TUB: variants seen among roughly 807,000 people sequenced by gnomAD.
TUB encodes the protein TUB bipartite transcription factor.
Under a neutral mutation model 59.7 loss-of-function variants are expected in TUB, and 33 were observed. The observed-to-expected ratio is 0.55, with a 90% confidence interval of 0.42 to 0.74. The LOEUF (loss-of-function observed/expected upper bound fraction) is 0.74, where lower values mean the gene tolerates loss of function less well. Among genes scored for constraint, TUB ranks in the 30% least tolerant of loss-of-function variants. The pLI, the probability that TUB is intolerant of heterozygous loss-of-function variation, is 0.00. For missense variants in TUB, 659 were observed against 672.0 expected, an observed-to-expected ratio of 0.98 and a Z score of 0.21; for synonymous variants, 293 against 256.4, an observed-to-expected ratio of 1.14 and a Z score of -1.36.
Position 8,039,040 on chromosome 11 carries a change from A to G in TUB, c.155+12A>G, listed in dbSNP as rs775523519. ...CACCGAAGAGATCGGTAAGCTTTCAACATCCTGCCTTTAGCCCATGGGCCC... is the reference window on the plus strand; with the variant it reads ...CACCGAAGAGATCGGTAAGCTTTCAGCATCCTGCCTTTAGCCCATGGGCCC... On this transcript the variant is annotated intron_variant, in intron 1 of 12. Transcript: ENST00000305253. The G allele has an allele frequency of 1.2e-6, 2 of 1,611,206 alleles. No homozygotes were observed. The highest frequency in any genetic ancestry group is 2.2e-5 in the East Asian group (1 of 44,872).
At chr11:8,045,969 G>C (rs1040758305) in intron 2 of TUB, among the ~76,000 whole-genome samples, 2 of 152,098 alleles carry the variant, frequency 1.3e-5, no homozygotes, top group African/African-American at 4.8e-5. Context: ...TCTCTCTGTG[G>C]TTCATTCCCC....
intron 2 of TUB, among the ~76,000 whole-genome samples, chr11:8,066,612 G>GCT (rs1257290759): frequency 6.6e-6 from 1 of 152,160 alleles, no homozygotes; most frequent in East Asian, 1.9e-4. Flanking sequence ...GGGCAACACC[G>GCT]CTCAGCAGCT....
intron 5 of TUB, 29 bp from the exon 6 acceptor site, chr11:8,096,656 C>G: frequency 1.4e-6 from 2 of 1,466,024 alleles, no homozygotes; most frequent in Non-Finnish European, 9.6e-7. Context: ...TCTCCTCCTT[C>G]ATCCCTTCTT....
intron 2 of TUB, among the ~76,000 whole-genome samples, chr11:8,073,501 G>A (rs1341425871): frequency 6.6e-6 from 1 of 152,168 alleles, no homozygotes; most frequent in East Asian, 1.9e-4. Flanking sequence ...AAAATAAAAT[G>A]TTCTTTGCTG....
rs191280101 is a variant in TUB at position 8,098,112 on chromosome 11, C to T, written c.998+286C>T. Among the ~76,000 whole-genome samples the T allele has an allele frequency of 3.9e-5, 6 of 152,140 alleles. No homozygotes were observed. The East Asian group carries it at 9.7e-4, about 25-fold the overall frequency. ...CCAGGGTGTCACTGATAACGCAGGC[C>T]ACCATGGAAGAGTTGCCTTGGCTCC... On this transcript the variant is annotated intron_variant, in intron 8 of 11. Transcript: ENST00000299506.
intron 2 of TUB, among the ~76,000 whole-genome samples, chr11:8,074,625 G>C (rs963174458): frequency 3.4e-4 from 51 of 151,166 alleles, no homozygotes; most frequent in Admixed American, 3.3e-3. Flanking sequence ...TGTAGTCCCA[G>C]CTACTCTGGA....
intron 6 of TUB, 139 bp downstream of exon 6, chr11:8,096,945 T>C (rs1944021409): frequency 9.7e-7 from 1 of 1,032,642 alleles, no homozygotes; most frequent in African/African-American, 1.6e-5. Context: ...CCTTGCCTCC[T>C]AACCTCTTCA....
chr11:8,096,459 C>T (rs1943996129), intron 5 of TUB, among the ~76,000 whole-genome samples: 1 of 152,082 alleles, frequency 6.6e-6, no homozygotes, highest in South Asian at 2.1e-4. Context: ...TGTGGCCAGC[C>T]CCGGCTCATG....
At chr11:8,092,954 T>A (rs533711188) in intron 3 of TUB, among the ~76,000 whole-genome samples, 1 of 152,332 alleles carries the variant, frequency 6.6e-6, no homozygotes, top group African/African-American at 2.4e-5. Flanking sequence ...CTCATTCATG[T>A]TACACATTCA....
intron 2 of TUB, among the ~76,000 whole-genome samples, chr11:8,043,538 G>A (rs1942785541): frequency 6.6e-6 from 1 of 152,162 alleles, no homozygotes; most frequent in South Asian, 2.1e-4. Context: ...ATAGTATATA[G>A]TCTTTTGATC....
Position 8,101,756 on chromosome 11 carries a change from C to T in TUB, c.*137C>T, listed in dbSNP as rs1944317710. On this transcript the variant is annotated 3_prime_UTR_variant, in exon 12 of 12. Transcript: ENST00000299506. ...TTGGCCCTCAGTGGGCTCCCTGGCC[C>T]AGCCAGCCAGGAACTGGCTCCTTTG... is the stretch of plus-strand genomic sequence containing the variant. The T allele has an allele frequency of 9.8e-6, 14 of 1,426,552 alleles. No individual in the cohort carries two copies. Among genetic ancestry groups the T allele is most frequent in the Middle Eastern group, 2.6e-4 (1 of 3,872 alleles). 88.4% of individuals were successfully genotyped at this position (1,426,552 alleles called of 1,614,324 possible). A position where few individuals can be genotyped will look rare whatever the true frequency, so the allele number is the denominator to read the frequency against.
intron 8 of TUB, among the ~76,000 whole-genome samples, 191 bp from the exon 9 acceptor site, chr11:8,098,567 A>G (rs1944110891): frequency 6.6e-6 from 1 of 152,222 alleles, no homozygotes. Flanking sequence ...GAGTCAACTC[A>G]GAGCAAGTCC....
intron 1 of TUB, chr11:8,019,414 C>T: frequency 2.4e-6 from 3 of 1,225,972 alleles, no homozygotes; most frequent in South Asian, 4.1e-5. Flanking sequence ...CGATCTCCTG[C>T]GGGAGAAGCG....
chr11:8,075,521 C>T (rs987395242), intron 2 of TUB: 3 of 152,220 alleles, frequency 2.0e-5, no homozygotes, highest in African/African-American at 7.2e-5. Context: ...GTTGAATAGG[C>T]ATAGGCATGA....
At chr11:8,078,103 T>C (rs1406937753), upstream of TUB, among the ~76,000 whole-genome samples, 2 of 152,140 alleles carry the variant, frequency 1.3e-5, no homozygotes, top group Non-Finnish European at 2.9e-5. Context: ...ATGCTAACCT[T>C]CTTCCCTGGG....
At position 8,097,356 on chromosome 11, in the gene TUB, C is replaced by A. The variant is rs527346107; in HGVS notation, c.816C>A (p.Asp272Glu). 6.2e-7 allele frequency: 1 copy of A among 1,614,170 alleles called. No individual in the cohort carries two copies. The highest frequency in any genetic ancestry group is 1.7e-5 in the Admixed American group (1 of 60,030). Residue 272 changes from aspartate (D) to glutamate (E), a missense_variant, in exon 7 of 12, where the codon GAC (aspartate) becomes GAA (glutamate). Coordinates refer to ENST00000299506, the MANE Select transcript of TUB (RefSeq NM_177972.3). The stretch of plus-strand genomic sequence containing the variant: ...CCATCAAATGCCGCATCACTCGGGA[C>A]AAGAAAGGGATGGACCGGGGCATGT... ...GITIKCRITRDKKGMDRGMYP... is the reference protein window; with the variant it reads ...GITIKCRITREKKGMDRGMYP...
In TUB at chr11:8,088,231, A is replaced by T. The variant is rs554672685; in HGVS notation, c.39-1379A>T. ...GTTAAAAAACATGCATAGTCCTCAT[A>T]GATCGTGGCCAAGGTGGTGGGCAGT... On this transcript the variant is annotated intron_variant, in intron 1 of 11. Coordinates refer to ENST00000299506, the MANE Select transcript of TUB (RefSeq NM_177972.3). Among the ~76,000 whole-genome samples, 3 of 152,302 alleles carry T rather than the reference A, an allele frequency of 2.0e-5. 1 individual carries two copies. The South Asian group carries it at 6.2e-4, about 32-fold the overall frequency.
chr11:8,093,922 A>G, intron 3 of TUB, 124 bp from the exon 4 acceptor site: 1 of 1,112,606 alleles, frequency 9.0e-7, no homozygotes, highest in Non-Finnish European at 1.3e-6. Flanking sequence ...GAAGTGGTAC[A>G]GGGGCCCTGG....
chr11:8,072,060 G>A (rs1428274445), intron 2 of TUB, among the ~76,000 whole-genome samples: 2 of 152,242 alleles, frequency 1.3e-5, no homozygotes, highest in African/African-American at 4.8e-5. Context: ...TGCAGCAGCG[G>A]AGAGGGTGGT....
Sources: allele counts gnomAD v4.1 joint callset (sites outside exome capture counted in the v4.1 genomes callset), GRCh38; gene constraint gnomAD v4.1.1; transcripts MANE v1.5; gene names NCBI Gene and HGNC (gene_info 2026-07-23, HGNC 2026-07-21).